Variants in ROBO2 observed in about 807,000 individuals in gnomAD.
The protein encoded by ROBO2 is roundabout homolog 2.
Under a neutral mutation model 160.8 loss-of-function variants are expected in ROBO2, and 53 were observed. The ratio of observed to expected loss-of-function variants is 0.33; its 90% confidence interval spans 0.26 to 0.41. The LOEUF is 0.41. ROBO2 is among the 10% of genes least tolerant of loss of function. ROBO2 has a pLI of 1.00. For synonymous variants in ROBO2, 664 were observed against 611.7 expected (o/e 1.09, Z -1.26); for missense variants, 1,577 against 1,722.4 (o/e 0.92, Z 1.49).
intron 2 of ROBO2, among the ~76,000 whole-genome samples, chr3:76,139,249 A>T (rs1306905186): frequency 6.6e-6 from 1 of 152,070 alleles, no homozygotes; most frequent in East Asian, 1.9e-4. Context: ...TGTATTTGTA[A>T]GCCTTTGTCT....
At chr3:76,013,038 G>A (rs183831120) in intron 2 of ROBO2, among the ~76,000 whole-genome samples, 1 of 148,228 alleles carries the variant, frequency 6.7e-6, no homozygotes, top group Non-Finnish European at 1.5e-5. Flanking sequence ...TTGGAGGCTG[G>A]GCACGGTGGC....
intron 2 of ROBO2, among the ~76,000 whole-genome samples, chr3:76,339,172 A>T (rs1449062636): frequency 6.6e-6 from 1 of 152,042 alleles, no homozygotes; most frequent in Non-Finnish European, 1.5e-5. Flanking sequence ...GCTTTTCTGG[A>T]TTTTTATGAT....
chr3:76,329,299 A>G (rs1477786810), intron 2 of ROBO2, among the ~76,000 whole-genome samples: 2 of 152,030 alleles, frequency 1.3e-5, no homozygotes, highest in African/African-American at 4.8e-5. Context: ...GTTCACTGCA[A>G]CCTCCACCTG....
chr3:76,930,647 C>T (rs879294365), intron 2 of ROBO2, among the ~76,000 whole-genome samples: 2 of 152,154 alleles, frequency 1.3e-5, no homozygotes, highest in Non-Finnish European at 2.9e-5. Context: ...AATCTGCCTC[C>T]TGCAAGCTGG....
intron 2 of ROBO2, among the ~76,000 whole-genome samples, chr3:76,569,968 T>A (rs1429169275): frequency 6.6e-6 from 1 of 151,904 alleles, no homozygotes; most frequent in Non-Finnish European, 1.5e-5. Flanking sequence ...CTAATAAAAT[T>A]AAAAATAATG....
intron 2 of ROBO2, among the ~76,000 whole-genome samples, chr3:77,433,101 G>A (rs1411949626): frequency 6.6e-6 from 1 of 151,972 alleles, no homozygotes; most frequent in Admixed American, 6.6e-5. Context: ...TTGCTACACT[G>A]TCCCCATAAC....
chr3:76,942,433 G>A (rs2149118543), intron 2 of ROBO2, among the ~76,000 whole-genome samples: 1 of 152,296 alleles, frequency 6.6e-6, no homozygotes, highest in Non-Finnish European at 1.5e-5. Context: ...AAATTGTGTT[G>A]TGTAAGTAAA....
At chr3:77,153,425 C>T (rs554144472) in intron 2 of ROBO2, among the ~76,000 whole-genome samples, 4 of 152,134 alleles carry the variant, frequency 2.6e-5, no homozygotes, top group African/African-American at 9.6e-5. Context: ...ATGTATTTTG[C>T]AGTCAAGATC....
At chr3:76,910,647 A>G (rs1577411845) in intron 2 of ROBO2, among the ~76,000 whole-genome samples, 1 of 144,722 alleles carries the variant, frequency 6.9e-6, no homozygotes, top group African/African-American at 2.6e-5. Flanking sequence ...AATCGCTTGA[A>G]CCCAGCAGGC....
chr3:76,396,950 C>T (rs2077493190), intron 2 of ROBO2, among the ~76,000 whole-genome samples: 1 of 152,180 alleles, frequency 6.6e-6, no homozygotes, highest in East Asian at 1.9e-4. Context: ...CAATGACTTT[C>T]TTCACAGAAT....
At chr3:76,222,625 G>A (rs891801589) in intron 2 of ROBO2, among the ~76,000 whole-genome samples, 1 of 152,112 alleles carries the variant, frequency 6.6e-6, no homozygotes, top group Non-Finnish European at 1.5e-5. Context: ...ATCACCTGAT[G>A]GTGCCTGACA....
At chr3:77,237,852 C>G (rs2088312084) in intron 2 of ROBO2, among the ~76,000 whole-genome samples, 1 of 152,152 alleles carries the variant, frequency 6.6e-6, no homozygotes, top group Admixed American at 6.5e-5. Flanking sequence ...TTTATCTTCT[C>G]CCCAACAGTG....
At chr3:76,906,421 T>C (rs1367771353) in intron 2 of ROBO2, among the ~76,000 whole-genome samples, 1 of 151,888 alleles carries the variant, frequency 6.6e-6, no homozygotes, top group Non-Finnish European at 1.5e-5. Flanking sequence ...AAATAAGTTC[T>C]TGATTCATTA....
rs543153996 is a variant in ROBO2, at chr3:76,791,178, A to G, written c.110-306836A>G. On this transcript the variant is annotated intron_variant, in intron 2 of 26. Transcript: ENST00000487694. ...ATAGTTGGAATGACTTGGAGTGTCAATTATAAGAAGGAATAAGTACAAGTA... is the reference window on the plus strand; with the variant it reads ...ATAGTTGGAATGACTTGGAGTGTCAGTTATAAGAAGGAATAAGTACAAGTA... 3.9e-5 allele frequency among the ~76,000 whole-genome samples: 6 copies of G among 151,900 alleles called. No individual in the cohort carries two copies. The South Asian group carries it at 1.2e-3, about 31-fold the overall frequency.
chr3:77,488,336 A>G (rs1036531638), intron 4 of ROBO2, among the ~76,000 whole-genome samples: 6 of 152,208 alleles, frequency 3.9e-5, no homozygotes, highest in African/African-American at 1.4e-4. Context: ...GCAGTTATAT[A>G]ATTAGAGATC....
At chr3:77,165,709 A>C (rs2079016469) in intron 2 of ROBO2, among the ~76,000 whole-genome samples, 1 of 152,230 alleles carries the variant, frequency 6.6e-6, no homozygotes, top group African/African-American at 2.4e-5. Context: ...ATCCAGCTTG[A>C]TGAATTTTTG....
At chr3:76,768,159 GT>G (rs2061677255) in intron 2 of ROBO2, among the ~76,000 whole-genome samples, 2 of 151,258 alleles carry the variant, frequency 1.3e-5, no homozygotes, top group Admixed American at 1.3e-4. Flanking sequence ...ATGTTTATGT[GT>G]TTTTTTAATG....
At chr3:77,141,969 G>T (rs1172929582) in intron 2 of ROBO2, among the ~76,000 whole-genome samples, 1 of 152,224 alleles carries the variant, frequency 6.6e-6, no homozygotes, top group Non-Finnish European at 1.5e-5. Flanking sequence ...GTAACCAAAG[G>T]CTGCATACTC....
intron 2 of ROBO2, among the ~76,000 whole-genome samples, chr3:76,157,542 T>C (rs1397125153): frequency 6.6e-6 from 1 of 152,190 alleles, no homozygotes; most frequent in Non-Finnish European, 1.5e-5. Flanking sequence ...TGTATATTTC[T>C]GAATATTTGT....
Sources: allele counts gnomAD v4.1 joint callset (sites outside exome capture counted in the v4.1 genomes callset), GRCh38; gene constraint gnomAD v4.1.1; transcripts MANE v1.5; gene names NCBI Gene and HGNC (gene_info 2026-07-23, HGNC 2026-07-21).